Variants in PDE3A observed in about 807,000 individuals in gnomAD.
PDE3A encodes the protein cGMP-inhibited 3',5'-cyclic phosphodiesterase 3A.
PDE3A carries 43 observed loss-of-function variants against 98.3 expected under a neutral mutation model. The observed-to-expected ratio is 0.44, with a 90% CI of 0.34 to 0.56. The LOEUF is 0.56. Ranked by LOEUF, PDE3A falls within the 20% of genes least tolerant of loss-of-function variation. The probability of loss-of-function intolerance (pLI) is 0.01; values close to 1 mark genes in which losing one functional copy is unlikely to be tolerated. For missense variants in PDE3A, 1,427 were observed against 1,440.7 expected (o/e 0.99, Z 0.15); for synonymous variants, 663 against 567.9 (o/e 1.17, Z -2.38).
intron 1 of PDE3A, among the ~76,000 whole-genome samples, chr12:20,458,698 AC>A (rs1343371528): frequency 1.3e-5 from 2 of 152,128 alleles, no homozygotes; most frequent in African/African-American, 4.8e-5. Context: ...GTTTTGCTCT[AC>A]TTGTCTGGTA....
At chr12:20,385,159 G>A (rs572371058) in intron 1 of PDE3A, among the ~76,000 whole-genome samples, 16 of 151,956 alleles carry the variant, frequency 1.1e-4, no homozygotes, top group African/African-American at 2.9e-4. Context: ...CAGTGTAAAC[G>A]CGTTGTTATT....
Position 20,634,925 on chromosome 12 carries a change from G to A in PDE3A, c.1870G>A (p.Asp624Asn), listed in dbSNP as rs1301700094. 1.9e-6 allele frequency: 3 copies of A among 1,610,236 alleles called. No individual in the cohort carries two copies. Among genetic ancestry groups the A allele is most frequent in the Non-Finnish European group, 2.5e-6 (3 of 1,176,632 alleles). Residue 624 changes from aspartate (D) to asparagine (N), a missense_variant, in exon 8 of 16, where the codon GAT becomes AAT. By Grantham distance (23) the Asp-to-Asn change is conservative. This residue lies in a region of PDE3A where 1,012 missense variants were observed against 886.5 expected (regional missense o/e 1.14). Transcript: ENST00000359062. ...RTDDTAQVTS[D>N]YETNNNSDSS... ...AGATGACACTGCTCAAGTTACCTCT[G>A]ATTATGAAACCAATAACAACAGTGA...
intron 1 of PDE3A, among the ~76,000 whole-genome samples, chr12:20,486,969 A>C (rs959364070): frequency 2.6e-5 from 4 of 152,328 alleles, no homozygotes; most frequent in African/African-American, 9.6e-5. Flanking sequence ...TTTGTTTGAG[A>C]GTTAGAGATA....
Position 20,634,911 on chromosome 12 carries a change from C to T in PDE3A, c.1856C>T (p.Ala619Val), listed in dbSNP as rs1944464183. 3 of 1,608,190 alleles carry T rather than the reference C, an allele frequency of 1.9e-6. No individual in the cohort carries two copies. ...TCTCTTTTAATTGTAGATGACACTG[C>T]TCAAGTTACCTCTGATTATGAAACC... ...TRTPSRTDDTAQVTSDYETNN... is the reference protein window; with the variant it reads ...TRTPSRTDDTVQVTSDYETNN... Residue 619 changes from alanine (A) to valine (V), a missense_variant, in exon 8 of 16, where the codon GCT becomes GTT. Coordinates refer to ENST00000359062, the MANE Select transcript of PDE3A (RefSeq NM_000921.5).
At chr12:20,529,613 C>T (rs1448886440) in intron 1 of PDE3A, among the ~76,000 whole-genome samples, 2 of 152,034 alleles carry the variant, frequency 1.3e-5, no homozygotes, top group African/African-American at 2.4e-5. Context: ...TCTAATGATG[C>T]ATCTACAAGC....
At chr12:20,667,731 G>C (rs1945352653) in intron 15 of PDE3A, among the ~76,000 whole-genome samples, 1 of 152,088 alleles carries the variant, frequency 6.6e-6, no homozygotes, top group Admixed American at 6.6e-5. Flanking sequence ...TTTTCGTTCA[G>C]GATTGCTTTG....
At chr12:20,409,739 T>C (rs1019719912) in intron 1 of PDE3A, among the ~76,000 whole-genome samples, 1 of 152,100 alleles carries the variant, frequency 6.6e-6, no homozygotes, top group Non-Finnish European at 1.5e-5. Flanking sequence ...TCACCACAAA[T>C]CAAACCAATA....
At chr12:20,428,623 G>A (rs929041497) in intron 1 of PDE3A, among the ~76,000 whole-genome samples, 7 of 152,018 alleles carry the variant, frequency 4.6e-5, no homozygotes, top group Admixed American at 1.3e-4. Context: ...TTTAAAAAGA[G>A]GATTTAGTTA....
At chr12:20,578,317 T>A (rs1942983977) in intron 2 of PDE3A, among the ~76,000 whole-genome samples, 2 of 152,154 alleles carry the variant, frequency 1.3e-5, no homozygotes, top group South Asian at 4.1e-4. Flanking sequence ...CTCCATACTT[T>A]GGCTAGGGCT....
intron 1 of PDE3A, chr12:20,371,263 C>CA (rs768696633): frequency 1.4e-4 from 78 of 566,648 alleles, no homozygotes; most frequent in Non-Finnish European, 1.7e-4. Flanking sequence ...ATTTTAAATG[C>CA]ATACGGTGTC....
intron 4 of PDE3A, among the ~76,000 whole-genome samples, chr12:20,618,951 T>C (rs1944073142): frequency 6.6e-6 from 1 of 152,080 alleles, no homozygotes; most frequent in Admixed American, 6.6e-5. Context: ...AGATCTTCCA[T>C]CACAGGCACA....
intron 1 of PDE3A, among the ~76,000 whole-genome samples, chr12:20,507,003 A>G (rs993416825): frequency 3.9e-5 from 6 of 152,072 alleles, no homozygotes; most frequent in African/African-American, 1.4e-4. Flanking sequence ...GACTGTGTAT[A>G]TTTTTATTCT....
chr12:20,667,392 C>T (rs113211691), intron 15 of PDE3A, among the ~76,000 whole-genome samples: 9 of 152,040 alleles, frequency 5.9e-5, no homozygotes, highest in African/African-American at 2.2e-4. Context: ...TGTCTTCTAA[C>T]AGTTTTATAG....
intron 2 of PDE3A, among the ~76,000 whole-genome samples, chr12:20,599,254 T>C (rs1230522547): frequency 6.6e-6 from 1 of 152,114 alleles, no homozygotes; most frequent in Non-Finnish European, 1.5e-5. Flanking sequence ...TTCTTTCACC[T>C]CACCAGGATC....
rs1433375801 is a variant in PDE3A, at chr12:20,648,673, G to A, written c.2566-15G>A. ...TTCTTAAAAAGTTGAACTCTTAACT[G>A]TCTTATTTGCCTAGGCGGTGCTATA... is the stretch of plus-strand genomic sequence containing the variant. On this transcript the variant is annotated splice_polypyrimidine_tract_variant and intron_variant, in intron 12 of 15. Coordinates refer to ENST00000359062, the MANE Select transcript of PDE3A (RefSeq NM_000921.5). 6.5e-7 allele frequency: 1 copy of A among 1,538,384 alleles called. No individual in the cohort carries two copies. Among genetic ancestry groups the A allele is most frequent in the Admixed American group, 1.7e-5 (1 of 59,900 alleles).
Position 20,682,465 on chromosome 12 carries a change from C to CA in PDE3A, c.*2200dup, listed in dbSNP as rs1025832499. The stretch of plus-strand genomic sequence containing the variant: ...AAAAAATAAGGCAAAGATAATACGA[C>CA]AAAAAATATACATGGTTTCAAGGCA... On this transcript the variant is annotated 3_prime_UTR_variant, in exon 16 of 16. Coordinates refer to ENST00000359062, the MANE Select transcript of PDE3A (RefSeq NM_000921.5). 2 of 152,080 alleles carry CA rather than the reference C, an allele frequency of 1.3e-5. No homozygotes were observed. The highest frequency in any genetic ancestry group is 4.8e-5 in the African/African-American group (2 of 41,504). The allele number at this position is 152,080 out of a possible 1,614,324, so 9.4% of individuals were successfully genotyped here. A position where few individuals can be genotyped will look rare whatever the true frequency, so the allele number is the denominator to read the frequency against.
chr12:20,498,239 G>A (rs1015734028), intron 1 of PDE3A, among the ~76,000 whole-genome samples: 3 of 152,014 alleles, frequency 2.0e-5, no homozygotes, highest in Non-Finnish European at 4.4e-5. Flanking sequence ...AGATTGGTGG[G>A]CATTGTGGAG....
intron 1 of PDE3A, among the ~76,000 whole-genome samples, chr12:20,555,233 C>T (rs1331764803): frequency 2.0e-5 from 3 of 152,104 alleles, no homozygotes; most frequent in African/African-American, 7.2e-5. Context: ...CGTCTGGTCT[C>T]GAACTCCTCA....
intron 15 of PDE3A, among the ~76,000 whole-genome samples, chr12:20,677,459 TTTTC>T (rs1468886113): frequency 1.6e-4 from 6 of 37,166 alleles, no homozygotes; most frequent in South Asian, 2.3e-3. Context: ...TCTAATTTTT[TTTTC>T]TTTTCTTTTT....
Sources: allele counts gnomAD v4.1 joint callset (sites outside exome capture counted in the v4.1 genomes callset), GRCh38; gene constraint gnomAD v4.1.1; regional missense constraint gnomAD v4.1.1; transcripts MANE v1.5; gene names NCBI Gene and HGNC (gene_info 2026-07-23, HGNC 2026-07-21).